Variants in STPG2 observed in about 807,000 individuals in gnomAD.
STPG2 encodes sperm tail PG-rich repeat containing 2.
A neutral mutation model predicts 54.2 loss-of-function variants in STPG2; 56 were observed. The observed-to-expected ratio is 1.03, with a 90% CI of 0.83 to 1.29. The LOEUF (loss-of-function observed/expected upper bound fraction) is 1.29, where lower values mean the gene tolerates loss of function less well. Ranked by LOEUF, STPG2 falls within the 50% of genes most tolerant of loss-of-function variation. The pLI is 0.00. For synonymous variants in STPG2, 200 were observed against 181.8 expected (o/e 1.10, Z -0.81); for missense variants, 596 against 544.9 (o/e 1.09, Z -0.93).
At chr4:97,936,866 T>C (rs1039816218) in intron 8 of STPG2, among the ~76,000 whole-genome samples, 3 of 152,194 alleles carry the variant, frequency 2.0e-5, no homozygotes, top group Admixed American at 2.0e-4. Context: ...TTGGGGTTGA[T>C]CTACTCATGG....
intron 4 of STPG2, among the ~76,000 whole-genome samples, chr4:97,464,268 G>A (rs1729737081): frequency 6.6e-6 from 1 of 152,160 alleles, no homozygotes; most frequent in Non-Finnish European, 1.5e-5. Flanking sequence ...AAAGTACGCA[G>A]TATAACAACT....
chr4:97,648,120 G>C (rs1721962403), intron 10 of STPG2, among the ~76,000 whole-genome samples: 1 of 152,124 alleles, frequency 6.6e-6, no homozygotes, highest in African/African-American at 2.4e-5. Flanking sequence ...CCTAGGGGAA[G>C]GCTGGGTGGC....
chr4:97,810,499 A>T (rs1727703013), intron 9 of STPG2, among the ~76,000 whole-genome samples: 1 of 151,516 alleles, frequency 6.6e-6, no homozygotes, highest in South Asian at 2.1e-4. Context: ...CTCACATTTT[A>T]AAAATTGGGA....
chr4:97,636,260 G>T (rs1204890042), intron 10 of STPG2, among the ~76,000 whole-genome samples: 1 of 146,506 alleles, frequency 6.8e-6, no homozygotes, highest in Non-Finnish European at 1.5e-5. Context: ...ATAACGAAAT[G>T]AAGGCAGAAA....
chr4:97,848,358 A>C (rs1729033125), intron 8 of STPG2, among the ~76,000 whole-genome samples: 1 of 152,338 alleles, frequency 6.6e-6, no homozygotes, highest in South Asian at 2.1e-4. Context: ...AGAAAAAGAT[A>C]AAGCTGTCCG....
chr4:97,570,438 G>A (rs1335084335), intron 10 of STPG2, among the ~76,000 whole-genome samples: 1 of 151,972 alleles, frequency 6.6e-6, no homozygotes, highest in Admixed American at 6.6e-5. Flanking sequence ...CTAACAAGAA[G>A]ACACAGGAAA....
intron 9 of STPG2, among the ~76,000 whole-genome samples, chr4:97,781,605 T>C (rs1471343013): frequency 3.3e-5 from 5 of 152,022 alleles, no homozygotes; most frequent in African/African-American, 7.2e-5. Context: ...ATCCTGATAC[T>C]AAAGCCTGGA....
chr4:97,965,261 C>T (rs1035369276), intron 7 of STPG2, among the ~76,000 whole-genome samples: 6 of 152,194 alleles, frequency 3.9e-5, no homozygotes, highest in Non-Finnish European at 7.4e-5. Flanking sequence ...CTGAGATCTA[C>T]CTGCCAGGCT....
At chr4:97,533,916 A>T (rs1731471058) in intron 4 of STPG2, among the ~76,000 whole-genome samples, 1 of 152,136 alleles carries the variant, frequency 6.6e-6, no homozygotes, top group Non-Finnish European at 1.5e-5. Context: ...CTGTCTTTTG[A>T]TAAATGACTT....
chr4:97,580,902 T>C (rs1251610930), intron 10 of STPG2, among the ~76,000 whole-genome samples: 1 of 152,100 alleles, frequency 6.6e-6, no homozygotes, highest in African/African-American at 2.4e-5. Context: ...AAGCCTGCTT[T>C]GTAAAAAATA....
At chr4:98,105,116 T>A (rs1275586678) in intron 5 of STPG2, among the ~76,000 whole-genome samples, 1 of 152,362 alleles carries the variant, frequency 6.6e-6, no homozygotes, top group Non-Finnish European at 1.5e-5. Flanking sequence ...TTTCTGTATC[T>A]CACTTTCAAT....
intron 9 of STPG2, among the ~76,000 whole-genome samples, chr4:97,790,788 G>A (rs778084706): frequency 2.0e-5 from 3 of 152,136 alleles, no homozygotes; most frequent in African/African-American, 7.2e-5. Context: ...CACCTGAATA[G>A]TCCAGGTTAA....
chr4:97,586,680 G>A (rs1733009648), intron 10 of STPG2, among the ~76,000 whole-genome samples: 2 of 151,926 alleles, frequency 1.3e-5, no homozygotes, highest in Non-Finnish European at 1.5e-5. Context: ...TGTTTTTAAA[G>A]TATTGAAAGG....
At chr4:97,604,833 T>C (rs984595985) in intron 10 of STPG2, among the ~76,000 whole-genome samples, 2 of 151,824 alleles carry the variant, frequency 1.3e-5, no homozygotes, top group African/African-American at 4.8e-5. Context: ...TCATATTTAA[T>C]ATGCCTTTCC....
chr4:97,451,352 A>G (rs1018885642), intron 4 of STPG2, among the ~76,000 whole-genome samples: 6 of 152,148 alleles, frequency 3.9e-5, no homozygotes, highest in African/African-American at 1.4e-4. Context: ...TAAAGTGCAT[A>G]TAATCCAGAC....
chr4:97,488,821 T>C (rs1189210879), intron 4 of STPG2, among the ~76,000 whole-genome samples: 2 of 151,738 alleles, frequency 1.3e-5, no homozygotes, highest in Admixed American at 6.6e-5. Context: ...AACTACATGA[T>C]GGTCAAGATA....
chr4:97,558,893 T>G lies in STPG2; in HGVS notation c.*165A>C, dbSNP rs530847625. On this transcript the variant is annotated 3_prime_UTR_variant, in exon 11 of 11. Coordinates refer to ENST00000295268, the MANE Select transcript of STPG2 (RefSeq NM_174952.3). The stretch of plus-strand genomic sequence containing the variant: ...AGAATTTTGTCTTAACAAGGTTTAT[T>G]TCTCCGTGGTTGTGTCATATAGTCA... The G allele has an allele frequency of 1.7e-6, 1 of 578,454 alleles. No homozygotes were observed. Among genetic ancestry groups the G allele is most frequent in the South Asian group, 2.5e-5 (1 of 40,300 alleles). The allele number at this position is 578,454 out of a possible 1,614,324, so 35.8% of individuals were successfully genotyped here.
At chr4:97,744,990 A>C (rs1578528184) in intron 9 of STPG2, among the ~76,000 whole-genome samples, 1 of 151,344 alleles carries the variant, frequency 6.6e-6, no homozygotes, top group South Asian at 2.1e-4. Flanking sequence ...GTGTTACTCC[A>C]GTTACTAATG....
chr4:97,647,478 T>C (rs1382717080), intron 10 of STPG2, among the ~76,000 whole-genome samples: 1 of 152,144 alleles, frequency 6.6e-6, no homozygotes, highest in Non-Finnish European at 1.5e-5. Context: ...CTCCATCCTC[T>C]GCTTCCTCCT....
Sources: gnomAD v4.1 joint callset for allele counts (sites outside exome capture counted in the v4.1 genomes callset) on GRCh38, gnomAD v4.1.1 for gene constraint, MANE v1.5 for transcripts, NCBI Gene and HGNC (gene_info 2026-07-23, HGNC 2026-07-21) for gene names.